The following RPS6KA5 variants were observed in gnomAD, a reference collection of about 807,000 sequenced individuals.
The protein encoded by RPS6KA5 is ribosomal protein S6 kinase alpha-5.
In RPS6KA5, 27 loss-of-function variants were observed where a neutral mutation model predicts 85.5. The ratio of observed to expected loss-of-function variants is 0.32; its 90% CI spans 0.23 to 0.44. RPS6KA5 has a LOEUF of 0.44. Ranked by LOEUF, RPS6KA5 falls within the 20% of genes least tolerant of loss-of-function variation. The pLI, the probability that RPS6KA5 is intolerant of heterozygous loss-of-function variation, is 1.00. For missense variants in RPS6KA5, 811 were observed against 980.9 expected, an observed-to-expected ratio of 0.83 and a Z score of 2.31; for synonymous variants, 334 against 348.2, an observed-to-expected ratio of 0.96 and a Z score of 0.46.
intron 4 of RPS6KA5, among the ~76,000 whole-genome samples, chr14:90,944,512 T>C (rs1045387234): frequency 2.6e-5 from 4 of 151,896 alleles, no homozygotes; most frequent in African/African-American, 9.7e-5. Flanking sequence ...TCCCAACATT[T>C]TGGGAGGCCG....
intron 7 of RPS6KA5, among the ~76,000 whole-genome samples, chr14:90,907,265 G>C (rs1278796006): frequency 6.6e-6 from 1 of 152,180 alleles, no homozygotes; most frequent in Non-Finnish European, 1.5e-5. Flanking sequence ...ATGTATAAGA[G>C]ACAGTATAGT....
At chr14:91,039,710 G>T (rs1304214481) in intron 1 of RPS6KA5, among the ~76,000 whole-genome samples, 2 of 152,184 alleles carry the variant, frequency 1.3e-5, no homozygotes, top group Non-Finnish European at 2.9e-5. Context: ...TCACCTTGAA[G>T]TGAGCTGAAG....
chr14:90,997,509 G>T (rs1195928203), intron 2 of RPS6KA5, among the ~76,000 whole-genome samples: 1 of 152,046 alleles, frequency 6.6e-6, no homozygotes, highest in Non-Finnish European at 1.5e-5. Context: ...CTCCCAAGTA[G>T]CTAGGAATAC....
intron 1 of RPS6KA5, among the ~76,000 whole-genome samples, chr14:91,004,197 T>G (rs1175899769): frequency 2.6e-5 from 4 of 152,188 alleles, no homozygotes; most frequent in African/African-American, 9.7e-5. Flanking sequence ...GCCATTCTCC[T>G]GCCTCAGCCT....
At chr14:90,997,869 C>T (rs1277652175) in intron 2 of RPS6KA5, among the ~76,000 whole-genome samples, 2 of 151,590 alleles carry the variant, frequency 1.3e-5, no homozygotes, top group African/African-American at 2.4e-5. Flanking sequence ...AAAAATTAGC[C>T]GAGCGTGGTG....
intron 1 of RPS6KA5, among the ~76,000 whole-genome samples, chr14:91,010,793 T>C (rs1595465977): frequency 1.3e-5 from 2 of 152,036 alleles, no homozygotes; most frequent in South Asian, 4.2e-4. Flanking sequence ...TAGGAAAGGC[T>C]AGAAAAAGTA....
At chr14:90,927,690 AGC>A in intron 5 of RPS6KA5, among the ~76,000 whole-genome samples, 1 of 152,148 alleles carries the variant, frequency 6.6e-6, no homozygotes, top group African/African-American at 2.4e-5. Flanking sequence ...ATTTGTGAAA[AGC>A]TTTAAAAATA....
intron 3 of RPS6KA5, among the ~76,000 whole-genome samples, chr14:90,965,057 A>C (rs1441345393): frequency 6.6e-6 from 1 of 152,208 alleles, no homozygotes; most frequent in Non-Finnish European, 1.5e-5. Flanking sequence ...AAAAGGCTGA[A>C]GCCATTTATA....
At chr14:91,009,647 T>C (rs1304614944) in intron 1 of RPS6KA5, among the ~76,000 whole-genome samples, 1 of 152,084 alleles carries the variant, frequency 6.6e-6, no homozygotes, top group Non-Finnish European at 1.5e-5. Flanking sequence ...ACCAACAGAA[T>C]AAGGAAGTCA....
At chr14:90,921,922 AC>A (rs1159571322) in intron 6 of RPS6KA5, among the ~76,000 whole-genome samples, 6 of 152,188 alleles carry the variant, frequency 3.9e-5, no homozygotes, top group African/African-American at 1.4e-4. Context: ...CAAATTTTGT[AC>A]CCTTTAATAC....
At position 90,892,126 on chromosome 14, in the gene RPS6KA5, G is replaced by A. The variant is rs551038087; in HGVS notation, c.1645-1448C>T. Among the ~76,000 whole-genome samples the A allele has an allele frequency of 4.0e-5, 6 of 151,658 alleles. No individual in the cohort carries two copies. In the South Asian group the frequency reaches 6.2e-4, roughly 16 times the overall value. ...TGATTCTGCTGCCTCAGCCTCCCAA[G>A]TACCTGGGATTACAGGTGCCCGCCA... is the stretch of plus-strand genomic sequence containing the variant. On this transcript the variant is annotated intron_variant, in intron 13 of 16. Transcript: ENST00000614987.
intron 1 of RPS6KA5, among the ~76,000 whole-genome samples, chr14:91,049,787 G>T (rs1192795045): frequency 6.6e-6 from 1 of 152,146 alleles, no homozygotes; most frequent in Admixed American, 6.5e-5. Flanking sequence ...AACCTAGATG[G>T]TATAGGTTAC....
At chr14:90,973,811 C>T (rs897143428) in intron 3 of RPS6KA5, among the ~76,000 whole-genome samples, 6 of 151,954 alleles carry the variant, frequency 3.9e-5, no homozygotes, top group South Asian at 4.1e-4. Context: ...CCAAGGCGTG[C>T]GGATCACCTG....
rs753727539 is a variant in RPS6KA5, at chr14:90,860,637, G to A, written c.*11437C>T. On this transcript the variant is annotated 3_prime_UTR_variant, in exon 17 of 17. Coordinates refer to ENST00000614987, the MANE Select transcript of RPS6KA5 (RefSeq NM_004755.4). ...GAATTGTATCTGAATGGAATGATTA[G>A]ATGGGTATATTACATGATACATGAA... The A allele has an allele frequency of 1.3e-5, 2 of 152,078 alleles. No individual in the cohort carries two copies. The highest frequency in any genetic ancestry group is 2.9e-5 in the Non-Finnish European group (2 of 68,030). 9.4% of individuals were successfully genotyped at this position (152,078 alleles called of 1,614,324 possible).
chr14:90,976,911 TA>T (rs1486887613), intron 3 of RPS6KA5, among the ~76,000 whole-genome samples: 1 of 152,082 alleles, frequency 6.6e-6, no homozygotes, highest in African/African-American at 2.4e-5. Flanking sequence ...AAGCACTCAA[TA>T]AAATGGCCAA....
intron 7 of RPS6KA5, among the ~76,000 whole-genome samples, chr14:90,911,931 G>A (rs867063060): frequency 6.6e-6 from 1 of 152,142 alleles, no homozygotes; most frequent in Non-Finnish European, 1.5e-5. Context: ...AATGGCAGGA[G>A]TACACAGAGT....
intron 1 of RPS6KA5, among the ~76,000 whole-genome samples, chr14:91,020,386 G>A (rs188728367): frequency 6.6e-6 from 1 of 152,270 alleles, no homozygotes; most frequent in East Asian, 1.9e-4. Context: ...GGTATTTAAA[G>A]TAATGTAGAG....
intron 1 of RPS6KA5, among the ~76,000 whole-genome samples, chr14:91,058,017 C>T (rs2043394706): frequency 6.6e-6 from 1 of 152,148 alleles, no homozygotes; most frequent in Non-Finnish European, 1.5e-5. Context: ...ACAAATGAGC[C>T]ACCACCAACT....
intron 14 of RPS6KA5, among the ~76,000 whole-genome samples, chr14:90,882,627 C>T (rs2033916444): frequency 1.3e-5 from 2 of 152,100 alleles, no homozygotes; most frequent in Non-Finnish European, 2.9e-5. Context: ...CTTCTCCCTC[C>T]ACTTTGAAGG....
Sources: gnomAD v4.1 joint callset for allele counts (sites outside exome capture counted in the v4.1 genomes callset) on GRCh38, gnomAD v4.1.1 for gene constraint, MANE v1.5 for transcripts, NCBI Gene and HGNC (gene_info 2026-07-23, HGNC 2026-07-21) for gene names.